Variants in PAMR1 observed in about 807,000 individuals in gnomAD.
PAMR1 encodes inactive serine protease PAMR1.
PAMR1 carries 88 observed loss-of-function variants against 81.8 expected under a neutral mutation model. The observed-to-expected ratio is 1.08, with a 90% confidence interval of 0.91 to 1.28. PAMR1 has a LOEUF of 1.28. Among genes scored for constraint, PAMR1 ranks in the 50% most tolerant of loss-of-function variants. The pLI is 0.00. For missense variants in PAMR1, 935 were observed against 919.7 expected, an observed-to-expected ratio of 1.02 and a Z score of -0.21; for synonymous variants, 336 against 345.3, an observed-to-expected ratio of 0.97 and a Z score of 0.30.
chr11:35,505,841 C>T (rs951792179), intron 1 of PAMR1, among the ~76,000 whole-genome samples: 12 of 152,026 alleles, frequency 7.9e-5, no homozygotes, highest in Non-Finnish European at 1.5e-4. Flanking sequence ...GAATTGAGCT[C>T]ATGTAAATTT....
At chr11:35,473,326 C>T (rs1850223936) in intron 4 of PAMR1, among the ~76,000 whole-genome samples, 1 of 152,196 alleles carries the variant, frequency 6.6e-6, no homozygotes, top group African/African-American at 2.4e-5. Flanking sequence ...TAATATGCTT[C>T]TCAATCCTCC....
At chr11:35,496,129 T>A (rs778410358) in intron 1 of PAMR1, among the ~76,000 whole-genome samples, 4 of 152,208 alleles carry the variant, frequency 2.6e-5, no homozygotes, top group Non-Finnish European at 5.9e-5. Context: ...TTCTAAAATC[T>A]GGATGAGAAT....
At chr11:35,445,930 T>A (rs1590323069) in intron 6 of PAMR1, among the ~76,000 whole-genome samples, 1 of 152,220 alleles carries the variant, frequency 6.6e-6, no homozygotes, top group East Asian at 1.9e-4. Context: ...TCTGTACTTC[T>A]GGTAAAATTC....
intron 6 of PAMR1, among the ~76,000 whole-genome samples, chr11:35,442,673 G>A (rs1328710808): frequency 5.9e-5 from 9 of 151,424 alleles, no homozygotes; most frequent in Non-Finnish European, 1.0e-4. Context: ...GTACAGTGGC[G>A]CAATCTTGGC....
chr11:35,434,590 C>T lies in PAMR1; in HGVS notation c.1548G>A (p.Lys516=), dbSNP rs2135332749. The T allele has an allele frequency of 6.2e-7, 1 of 1,614,114 alleles. No individual in the cohort carries two copies. The highest frequency in any genetic ancestry group is 8.5e-7 in the Non-Finnish European group (1 of 1,180,020). ...CCAAAACAACTTTCAGGTCTGCTGT[C>T]TTGATCATGGTGACCTTCCCCAGGT... is the stretch of plus-strand genomic sequence containing the variant. ...VTDLGKVTMI[K]TADLKVVLGK... Residue 516 remains lysine (K), a synonymous_variant, in exon 10 of 11, where the codon AAG becomes AAA. Transcript: ENST00000619888.
At chr11:35,487,215 GA>G (rs111704287) in intron 3 of PAMR1, among the ~76,000 whole-genome samples, 36,419 of 130,042 alleles carry the variant, frequency 0.28, 4,499 homozygotes, top group Non-Finnish European at 0.3. Context: ...TAGTTACCCA[GA>G]AAAAAAAAAA....
chr11:35,505,725 C>T (rs1235060161), intron 1 of PAMR1, among the ~76,000 whole-genome samples: 1 of 152,082 alleles, frequency 6.6e-6, no homozygotes, highest in Non-Finnish European at 1.5e-5. Flanking sequence ...GCCATCCCTT[C>T]ACATTCAGTC....
rs1855926206 is a variant in PAMR1, at chr11:35,432,427, T to C, written c.2092A>G (p.Ser698Gly). The C allele has an allele frequency of 6.2e-7, 1 of 1,614,044 alleles. No homozygotes were observed. Among genetic ancestry groups the C allele is most frequent in the Non-Finnish European group, 8.5e-7 (1 of 1,180,052 alleles). The change falls in exon 11 of 11, where the codon AGC (serine) becomes GGC (glycine). Residue 698 changes from serine to glycine, a missense_variant. Physicochemically the swap from Ser to Gly is moderately conservative, Grantham distance 56. Coordinates refer to ENST00000619888, the MANE Select transcript of PAMR1 (RefSeq NM_001001991.3). Reference protein sequence around the residue: ...LVSWSYDKTCSHRLSTAFTKV... With the variant: ...LVSWSYDKTCGHRLSTAFTKV... ...GTGAAGGCAGTGGAGAGCCTGTGGC[T>C]GCATGTTTTATCATAGCTCCAGCTG... is the stretch of plus-strand genomic sequence containing the variant.
At position 35,474,756 on chromosome 11, in the gene PAMR1, A is replaced by G. The variant is rs140158695; in HGVS notation, c.380-12T>C. ...AACCTGGCCACATCCTAAGAAAAGAAGAAAAGATTGGGACATAAAAATGGA... is the reference window on the plus strand; with the variant it reads ...AACCTGGCCACATCCTAAGAAAAGAGGAAAAGATTGGGACATAAAAATGGA... On this transcript the variant is annotated splice_polypyrimidine_tract_variant and intron_variant, in intron 3 of 10. Transcript: ENST00000619888. The G allele has an allele frequency of 7.3e-4, 1,160 of 1,581,574 alleles. 18 individuals are homozygous for G. The East Asian group carries it at 0.016, about 22-fold the overall frequency.
At chr11:35,467,860 C>T in intron 6 of PAMR1, 141 bp downstream of exon 6, 1 of 508,412 alleles carries the variant, frequency 2.0e-6, no homozygotes, top group African/African-American at 1.9e-5. Context: ...CTGAGAATCA[C>T]TCACTGGGAG....
At position 35,432,692 on chromosome 11, in the gene PAMR1, G is replaced by A. The variant is rs777304316; in HGVS notation, c.1827C>T (p.Ser609=). Residue 609 remains serine, a synonymous_variant, in exon 11 of 11, where the codon AGC becomes AGT. Coordinates refer to ENST00000619888, the MANE Select transcript of PAMR1 (RefSeq NM_001001991.3). ...GCAGTGTGTCGTTCTTGAAGCCAGG[G>A]CTCCTCACGTCTGCCAGGACATTCC... The part of the protein sequence containing the change: ...AGWNVLADVR[S]PGFKNDTLRS... 18 of 1,613,478 alleles carry A rather than the reference G, an allele frequency of 1.1e-5. No homozygotes were observed. The highest frequency in any genetic ancestry group is 1.5e-5 in the Non-Finnish European group (18 of 1,179,448).
chr11:35,441,435 G>C (rs1406466486), intron 7 of PAMR1, 46 bp downstream of exon 7: 2 of 1,425,350 alleles, frequency 1.4e-6, no homozygotes, highest in Non-Finnish European at 2.0e-6. Context: ...AAAAAGTCTA[G>C]CAACTTCATC....
intron 1 of PAMR1, among the ~76,000 whole-genome samples, chr11:35,495,026 G>C (rs888923821): frequency 6.6e-6 from 1 of 152,172 alleles, no homozygotes; most frequent in Non-Finnish European, 1.5e-5. Flanking sequence ...GATCCATAGC[G>C]AGCCATTAAA....
At chr11:35,523,993 T>C (rs762597441) in intron 1 of PAMR1, among the ~76,000 whole-genome samples, 5 of 152,168 alleles carry the variant, frequency 3.3e-5, no homozygotes, top group Non-Finnish European at 5.9e-5. Context: ...TCACCTGCCA[T>C]GTAATAAAAC....
intron 3 of PAMR1, among the ~76,000 whole-genome samples, chr11:35,486,694 G>A (rs549090533): frequency 2.0e-5 from 3 of 152,196 alleles, no homozygotes; most frequent in Non-Finnish European, 4.4e-5. Context: ...TATTTAAAAA[G>A]ACACATGCTC....
At chr11:35,493,589 C>T (rs533179580) in intron 2 of PAMR1, among the ~76,000 whole-genome samples, 8 of 152,280 alleles carry the variant, frequency 5.3e-5, no homozygotes, top group East Asian at 3.9e-4. Flanking sequence ...CCTCCCCATC[C>T]GCCTCACCTT....
chr11:35,488,308 T>C (rs1486201357), intron 3 of PAMR1, among the ~76,000 whole-genome samples: 1 of 151,166 alleles, frequency 6.6e-6, no homozygotes, highest in African/African-American at 2.4e-5. Flanking sequence ...TTCAAAATCC[T>C]TGGCTGCAGA....
intron 6 of PAMR1, among the ~76,000 whole-genome samples, chr11:35,455,002 C>A (rs1256052809): frequency 2.0e-5 from 3 of 152,208 alleles, no homozygotes; most frequent in Non-Finnish European, 4.4e-5. Context: ...AACCTTTTTA[C>A]AAGTCTGGGG....
At chr11:35,486,798 C>T (rs1850518278) in intron 3 of PAMR1, among the ~76,000 whole-genome samples, 1 of 152,160 alleles carries the variant, frequency 6.6e-6, no homozygotes, top group Non-Finnish European at 1.5e-5. Flanking sequence ...TTCTTGCATG[C>T]AAATATTCTT....
Sources: allele counts gnomAD v4.1 joint callset (sites outside exome capture counted in the v4.1 genomes callset), GRCh38; gene constraint gnomAD v4.1.1; transcripts MANE v1.5; gene names NCBI Gene and HGNC (gene_info 2026-07-23, HGNC 2026-07-21).